STK4: variants seen among roughly 807,000 people sequenced by gnomAD.
The protein encoded by STK4 is serine/threonine-protein kinase 4.
STK4 carries 30 observed loss-of-function variants against 64.9 expected under a neutral mutation model. The observed-to-expected ratio is 0.46, with a 90% CI of 0.35 to 0.63. The LOEUF is 0.63. STK4 is among the 20% of genes least tolerant of loss of function. The pLI, the probability that STK4 is intolerant of heterozygous loss-of-function variation, is 0.01. For missense variants in STK4, 466 were observed against 598.5 expected (o/e 0.78, Z 2.31); for synonymous variants, 177 against 199.0 (o/e 0.89, Z 0.93).
At chr20:45,061,037 C>A (rs761168173) in intron 10 of STK4, among the ~76,000 whole-genome samples, 7 of 152,066 alleles carry the variant, frequency 4.6e-5, no homozygotes, top group Admixed American at 1.3e-4. Flanking sequence ...TGGGTTCTTG[C>A]TGTGGAGAAT....
chr20:45,015,732 G>T (rs1177080650), intron 9 of STK4, among the ~76,000 whole-genome samples: 1 of 152,150 alleles, frequency 6.6e-6, no homozygotes, highest in Non-Finnish European at 1.5e-5. Flanking sequence ...CCTTGGTCAG[G>T]TTCTTTCTTT....
chr20:44,966,734 A>T, intron 1 of STK4, 131 bp downstream of exon 1: 1 of 1,044,270 alleles, frequency 9.6e-7, no homozygotes, highest in Non-Finnish European at 1.2e-6. Context: ...CTGCTGAGTG[A>T]GGGGGGGGAC....
chr20:45,025,700 T>C (rs2068332255), intron 10 of STK4, among the ~76,000 whole-genome samples: 1 of 152,188 alleles, frequency 6.6e-6, no homozygotes, highest in South Asian at 2.1e-4. Flanking sequence ...AATAAAAATT[T>C]TGGGAAAAAG....
intron 3 of STK4, 125 bp downstream of exon 3, chr20:44,978,696 CTG>C: frequency 6.3e-6 from 7 of 1,107,454 alleles, no homozygotes; most frequent in Non-Finnish European, 8.5e-6. Context: ...GATGGAATCA[CTG>C]TGCATTTTCT....
In STK4 at chr20:45,075,065, G is replaced by A. The variant is rs781423385; in HGVS notation, c.1353G>A (p.Leu451=). ...VEDLQKRLLA[L]DPMMEQEIEE... ...ACCTTCAGAAGAGGCTCTTGGCCCTGGACCCCATGATGGAGCAGGAGATTG... is the reference window on the plus strand; with the variant it reads ...ACCTTCAGAAGAGGCTCTTGGCCCTAGACCCCATGATGGAGCAGGAGATTG... The change falls in exon 11 of 11, where the codon CTG becomes CTA. Residue 451 remains leucine (L), a synonymous_variant. Transcript: ENST00000372806. 6.2e-7 allele frequency: 1 copy of A among 1,614,178 alleles called. No individual in the cohort carries two copies. The highest frequency in any genetic ancestry group is 1.7e-5 in the Admixed American group (1 of 60,014).
intron 10 of STK4, 71 bp from the exon 11 acceptor site, chr20:45,074,947 G>A (rs778026165): frequency 1.3e-6 from 2 of 1,579,858 alleles, no homozygotes; most frequent in Non-Finnish European, 1.7e-6. Context: ...TGCCTGGGAA[G>A]GCTGGGCTTC....
rs560456585 is a variant in STK4, at chr20:45,079,435, A to G, written c.*4259A>G. ...ATTCCAGTGTCCTTTCTAGCATACC[A>G]TGTTGCCTCTAAAGATTGCAGCTCC... On this transcript the variant is annotated 3_prime_UTR_variant, in exon 11 of 11. Coordinates refer to ENST00000372806, the MANE Select transcript of STK4 (RefSeq NM_006282.5). 1.3e-5 allele frequency: 2 copies of G among 152,326 alleles called. No homozygotes were observed. The highest frequency in any genetic ancestry group is 1.3e-4 in the Admixed American group (2 of 15,294). The allele number at this position is 152,326 out of a possible 1,614,324, so 9.4% of individuals were successfully genotyped here. A position where few individuals can be genotyped will look rare whatever the true frequency, so the allele number is the denominator to read the frequency against.
chr20:44,968,924 A>G (rs1365850247), intron 1 of STK4, among the ~76,000 whole-genome samples: 1 of 152,180 alleles, frequency 6.6e-6, no homozygotes, highest in African/African-American at 2.4e-5. Flanking sequence ...ACGTAAATTT[A>G]TTCTCTCACT....
chr20:45,003,029 C>T (rs1480620578), intron 9 of STK4, among the ~76,000 whole-genome samples: 1 of 151,712 alleles, frequency 6.6e-6, no homozygotes, highest in East Asian at 1.9e-4. Flanking sequence ...ATTTTTTTAA[C>T]AGATAGGGTC....
chr20:45,076,084 AC>A lies in STK4; in HGVS notation c.*909del, dbSNP rs1171733712. 1 of 152,674 alleles carries A rather than the reference AC, an allele frequency of 6.5e-6. No homozygotes were observed. Among genetic ancestry groups the A allele is most frequent in the African/African-American group, 2.4e-5 (1 of 41,466 alleles). 9.5% of individuals were successfully genotyped at this position (152,674 alleles called of 1,614,324 possible). ...CTCTCATTGTTCATGTAAAAATCAT[AC>A]ACGTGGCATGTTGCTCCACATTCCT... On this transcript the variant is annotated 3_prime_UTR_variant, in exon 11 of 11. Coordinates refer to ENST00000372806, the MANE Select transcript of STK4 (RefSeq NM_006282.5). This position sits in a 1 kb window ranked among gnomAD's most constrained non-coding sequence, Gnocchi z 4.0.
Position 45,075,939 on chromosome 20 carries a change from A to G in STK4, c.*763A>G, listed in dbSNP as rs1980480182. The stretch of plus-strand genomic sequence containing the variant: ...CCTTTCATCCATCTCCACTCTCTCA[A>G]CTGCCTAAAGTCACAGCACAGATAC... On this transcript the variant is annotated 3_prime_UTR_variant, in exon 11 of 11. Coordinates refer to ENST00000372806, the MANE Select transcript of STK4 (RefSeq NM_006282.5). 1 of 152,678 alleles carries G rather than the reference A, an allele frequency of 6.5e-6. No individual in the cohort carries two copies. Among genetic ancestry groups the G allele is most frequent in the Non-Finnish European group, 1.5e-5 (1 of 68,084 alleles). The allele number at this position is 152,678 out of a possible 1,614,324, so 9.5% of individuals were successfully genotyped here. A position where few individuals can be genotyped will look rare whatever the true frequency, so the allele number is the denominator to read the frequency against.
intron 10 of STK4, among the ~76,000 whole-genome samples, chr20:45,047,458 G>T (rs749028958): frequency 6.6e-6 from 1 of 152,154 alleles, no homozygotes; most frequent in Non-Finnish European, 1.5e-5. Flanking sequence ...AGCCCTTAGC[G>T]AATTGCCATA....
In STK4 at chr20:45,075,097, TC is replaced by T. The variant is rs1351858547; in HGVS notation, c.1387del (p.Arg463GlyfsTer15). The T allele has an allele frequency of 6.2e-7, 1 of 1,614,136 alleles. No individual in the cohort carries two copies. The highest frequency in any genetic ancestry group is 1.7e-5 in the Admixed American group (1 of 60,020). ...ATGATGGAGCAGGAGATTGAAGAGA[TC>T]CGGCAGAAGTACCAGTCCAAGCGGC... is the stretch of plus-strand genomic sequence containing the variant. ...DPMMEQEIEE[I>X]RQKYQSKRQP... On this transcript the variant is annotated frameshift_variant, in exon 11 of 11. Transcript: ENST00000372806. LOFTEE classifies it high-confidence loss of function.
intron 9 of STK4, among the ~76,000 whole-genome samples, chr20:45,021,705 T>G (rs1600489043): frequency 6.6e-6 from 1 of 152,214 alleles, no homozygotes; most frequent in East Asian, 1.9e-4. Context: ...TCAGAGATAC[T>G]CTTGTCACTA....
intron 9 of STK4, among the ~76,000 whole-genome samples, chr20:45,001,725 A>G (rs1313387547): frequency 6.6e-6 from 1 of 152,210 alleles, no homozygotes; most frequent in East Asian, 1.9e-4. Flanking sequence ...CTGTACATAC[A>G]TCTTCAGTTT....
chr20:45,072,828 A>G (rs1398364721), intron 10 of STK4, among the ~76,000 whole-genome samples: 1 of 152,242 alleles, frequency 6.6e-6, no homozygotes, highest in African/African-American at 2.4e-5. Context: ...CATATGTACA[A>G]TAATAATAAG....
intron 10 of STK4, among the ~76,000 whole-genome samples, chr20:45,066,052 C>G (rs1394095930): frequency 6.6e-6 from 1 of 151,960 alleles, no homozygotes; most frequent in African/African-American, 2.4e-5. Context: ...AAAATGCTTC[C>G]TTGTTTATCT....
intron 10 of STK4, among the ~76,000 whole-genome samples, chr20:45,055,824 C>G (rs1978433145): frequency 1.3e-5 from 2 of 151,774 alleles, no homozygotes; most frequent in African/African-American, 2.4e-5. Context: ...TCTTTGCCTC[C>G]CAGGTTCAAG....
rs1237474099 is a variant in STK4 at position 44,977,200 on chromosome 20, A to G, written c.117-1243A>G. 2.0e-5 allele frequency among the ~76,000 whole-genome samples: 3 copies of G among 152,236 alleles called. No homozygotes were observed. In the East Asian group the frequency reaches 5.8e-4, roughly 29 times the overall value. On this transcript the variant is annotated intron_variant, in intron 2 of 10. Coordinates refer to ENST00000372806, the MANE Select transcript of STK4 (RefSeq NM_006282.5). Reference sequence around the variant, plus strand: ...TCTCTGGCAAAAAGTATTTGGTGTAATATTTAAGGATGATTATGCTAGTTT... The same window carrying G: ...TCTCTGGCAAAAAGTATTTGGTGTAGTATTTAAGGATGATTATGCTAGTTT...
Sources: allele counts gnomAD v4.1 joint callset (sites outside exome capture counted in the v4.1 genomes callset), GRCh38; gene constraint gnomAD v4.1.1; non-coding constraint Gnocchi (gnomAD v3.1); transcripts MANE v1.5; gene names NCBI Gene and HGNC (gene_info 2026-07-23, HGNC 2026-07-21).